TSTD2: variants seen among roughly 807,000 people sequenced by gnomAD.
TSTD2 encodes thiosulfate sulfurtransferase like domain containing 2, also known as thiosulfate sulfurtransferase/rhodanese-like domain-containing protein 2.
Under a neutral mutation model 47.9 loss-of-function variants are expected in TSTD2, and 37 were observed. That is an observed-to-expected ratio of 0.77 (90% CI 0.59 to 1.02). The LOEUF is 1.02. Among genes scored for constraint, TSTD2 ranks in the 50% least tolerant of loss-of-function variants. The probability of loss-of-function intolerance (pLI) is 0.00; values close to 1 mark genes in which losing one functional copy is unlikely to be tolerated. For synonymous variants in TSTD2, 201 were observed against 215.9 expected (o/e 0.93, Z 0.61); for missense variants, 586 against 616.0 (o/e 0.95, Z 0.52).
chr9:97,606,294 A>C (rs1449914025), intron 6 of TSTD2, 33 bp from the exon 7 acceptor site: 1 of 1,428,428 alleles, frequency 7.0e-7, no homozygotes, highest in Non-Finnish European at 9.6e-7. Context: ...ATATTAAAAC[A>C]AAGACAAAAA....
Position 97,611,567 on chromosome 9 carries a change from C to A in TSTD2, c.729+7G>T. ...TCTAGATCCATTTAATTTTCATTTT[C>A]TCTTACCTTAAAATCATCTTTACAC... On this transcript the variant is annotated splice_region_variant and intron_variant, in intron 5 of 9. Coordinates refer to ENST00000341170, the MANE Select transcript of TSTD2 (RefSeq NM_139246.5). 6.3e-7 allele frequency: 1 copy of A among 1,581,144 alleles called. No individual in the cohort carries two copies. Among genetic ancestry groups the A allele is most frequent in the South Asian group, 1.1e-5 (1 of 89,630 alleles).
intron 4 of TSTD2, 65 bp from the exon 5 acceptor site, chr9:97,611,764 A>G: frequency 6.5e-7 from 1 of 1,534,408 alleles, no homozygotes; most frequent in South Asian, 1.2e-5. Flanking sequence ...TCCAGGGAAG[A>G]ACAATAGGCT....
At chr9:97,628,749 G>A (rs1587985289) in intron 1 of TSTD2, among the ~76,000 whole-genome samples, 1 of 152,264 alleles carries the variant, frequency 6.6e-6, no homozygotes, top group East Asian at 1.9e-4. Context: ...GTTCTCAAAA[G>A]GATACGCTAG....
intron 3 of TSTD2, among the ~76,000 whole-genome samples, chr9:97,621,243 T>G: frequency 6.6e-6 from 1 of 152,220 alleles, no homozygotes; most frequent in East Asian, 1.9e-4. Flanking sequence ...CAATCAATAC[T>G]CTCATAATTT....
chr9:97,606,173 A>C lies in TSTD2; in HGVS notation c.924T>G (p.Leu308=). ...TGCTTTCATAGAAGTTTCTGCAATC[A>C]AGAAGGATAGTATCACTTTGTTCTT... ...ANQEQSDTIL[L]DCRNFYESKI... is the part of the protein sequence containing the mutation. Residue 308 remains leucine (L), a synonymous_variant, in exon 7 of 10, where the codon CTT becomes CTG. Coordinates refer to ENST00000341170, the MANE Select transcript of TSTD2 (RefSeq NM_139246.5). The C allele has an allele frequency of 6.8e-6, 11 of 1,610,918 alleles. No individual in the cohort carries two copies. Among genetic ancestry groups the C allele is most frequent in the Non-Finnish European group, 9.3e-6 (11 of 1,179,080 alleles).
chr9:97,620,435 T>C (rs192104720), intron 3 of TSTD2, among the ~76,000 whole-genome samples: 4 of 152,078 alleles, frequency 2.6e-5, no homozygotes, highest in African/African-American at 9.7e-5. Context: ...ATACAATAAA[T>C]TGGTACTAGT....
intron 3 of TSTD2, 39 bp from the exon 4 acceptor site, chr9:97,617,916 G>A (rs767895286): frequency 6.9e-6 from 11 of 1,594,820 alleles, no homozygotes; most frequent in South Asian, 3.4e-5. Flanking sequence ...CATTTGAGTC[G>A]CTGGCATAAA....
At chr9:97,625,384 G>A (rs76802826) in intron 3 of TSTD2, among the ~76,000 whole-genome samples, 2 of 152,146 alleles carry the variant, frequency 1.3e-5, no homozygotes, top group Non-Finnish European at 2.9e-5. Flanking sequence ...ACTGCTATGA[G>A]CATTCTTGTA....
intron 9 of TSTD2, chr9:97,602,994 A>C: frequency 2.2e-6 from 1 of 450,542 alleles, no homozygotes; most frequent in East Asian, 3.7e-5. Flanking sequence ...TCCAGTATTT[A>C]CTGACTTTTT....
intron 3 of TSTD2, among the ~76,000 whole-genome samples, chr9:97,619,207 G>A (rs1198258683): frequency 6.6e-6 from 1 of 152,228 alleles, no homozygotes; most frequent in East Asian, 1.9e-4. Flanking sequence ...ACTAGCTCAA[G>A]TGTGACTTCT....
At chr9:97,604,625 C>T in intron 9 of TSTD2, 102 bp downstream of exon 9, 1 of 1,510,342 alleles carries the variant, frequency 6.6e-7, no homozygotes, top group Non-Finnish European at 9.0e-7. Flanking sequence ...ATTCAGTGCT[C>T]AGTAATGAGC....
At chr9:97,627,662 A>T (rs1826744049) in intron 1 of TSTD2, 50 bp from the exon 2 acceptor site, 1 of 1,253,594 alleles carries the variant, frequency 8.0e-7, no homozygotes, top group Non-Finnish European at 1.1e-6. Flanking sequence ...TGATTTCTTG[A>T]AGAAAATATG....
Position 97,602,538 on chromosome 9 carries a change from C to A in TSTD2, c.1482G>T (p.Gln494His). The A allele has an allele frequency of 6.2e-7, 1 of 1,614,190 alleles. No homozygotes were observed. Among genetic ancestry groups the A allele is most frequent in the Non-Finnish European group, 8.5e-7 (1 of 1,180,006 alleles). The change falls in exon 10 of 10, where the codon CAG (glutamine) becomes CAT (histidine). Residue 494 changes from glutamine (Q) to histidine (H), a missense_variant. Gln to His is a conservative substitution (Grantham distance 24). Transcript: ENST00000341170. ...CTGGGCTCACAGGCTGTCGCACATGCTGCAAGAGTTCCCTAGGTATGCGTG... is the reference window on the plus strand; with the variant it reads ...CTGGGCTCACAGGCTGTCGCACATGATGCAAGAGTTCCCTAGGTATGCGTG... ...RRPRIPRELL[Q>H]HVRQPVSPEP...
At chr9:97,616,511 G>C (rs1826544742) in intron 4 of TSTD2, among the ~76,000 whole-genome samples, 1 of 152,206 alleles carries the variant, frequency 6.6e-6, no homozygotes, top group Non-Finnish European at 1.5e-5. Context: ...AGAGAGGGTG[G>C]TGGTTTGGTC....
chr9:97,624,294 A>AT (rs1306520966), intron 3 of TSTD2, among the ~76,000 whole-genome samples: 1 of 152,214 alleles, frequency 6.6e-6, no homozygotes, highest in Non-Finnish European at 1.5e-5. Context: ...ATCACATGCC[A>AT]TGTCATGAGA....
rs532315811 is a variant in TSTD2, at chr9:97,605,738, A to C, written c.955-97T>G. 4.6e-5 allele frequency: 68 copies of C among 1,484,752 alleles called. 1 individual carries two copies. The African/African-American group carries it at 8.9e-4, about 19-fold the overall frequency. The allele number at this position is 1,484,752 out of a possible 1,614,324, so 92.0% of individuals were successfully genotyped here. ...ACCCAACAAACCCTACTTAGCAAAG[A>C]AGCCCCTGCCAGTTGCTAATCTCAT... is the stretch of plus-strand genomic sequence containing the variant. On this transcript the variant is annotated intron_variant, in intron 7 of 9. Coordinates refer to ENST00000341170, the MANE Select transcript of TSTD2 (RefSeq NM_139246.5).
intron 1 of TSTD2, among the ~76,000 whole-genome samples, chr9:97,628,831 C>A (rs1015478034): frequency 2.0e-5 from 3 of 152,108 alleles, no homozygotes; most frequent in African/African-American, 4.8e-5. Flanking sequence ...CCAATCCAAC[C>A]CATGCAGAGA....
chr9:97,608,502 G>A (rs975482077), intron 6 of TSTD2, among the ~76,000 whole-genome samples: 2 of 152,052 alleles, frequency 1.3e-5, no homozygotes, highest in African/African-American at 4.8e-5. Context: ...CGGGTGTGGT[G>A]GCGCACACTT....
chr9:97,620,038 T>C (rs1247480270), intron 3 of TSTD2, among the ~76,000 whole-genome samples: 1 of 152,186 alleles, frequency 6.6e-6, no homozygotes, highest in African/African-American at 2.4e-5. Flanking sequence ...CTCAGAAAAC[T>C]GTATCTGGCA....
Sources: gnomAD v4.1 joint callset for allele counts (sites outside exome capture counted in the v4.1 genomes callset) on GRCh38, gnomAD v4.1.1 for gene constraint, MANE v1.5 for transcripts, NCBI Gene and HGNC (gene_info 2026-07-23, HGNC 2026-07-21) for gene names.